The following CPNE4 variants were observed in gnomAD, a reference collection of about 807,000 sequenced individuals.
CPNE4 encodes the protein copine 4.
Under a neutral mutation model 67.9 loss-of-function variants are expected in CPNE4, and 25 were observed. That is an observed-to-expected ratio of 0.37 (90% CI 0.27 to 0.51). The LOEUF (loss-of-function observed/expected upper bound fraction) is 0.51, where lower values mean the gene tolerates loss of function less well. Among genes scored for constraint, CPNE4 ranks in the 20% least tolerant of loss-of-function variants. CPNE4 has a pLI of 0.93. For missense variants in CPNE4, 464 were observed against 690.8 expected (o/e 0.67, Z 3.68); for synonymous variants, 242 against 244.9 (o/e 0.99, Z 0.11).
chr3:131,847,621 T>A (rs1270901240), intron 2 of CPNE4, among the ~76,000 whole-genome samples: 1 of 152,206 alleles, frequency 6.6e-6, no homozygotes, highest in Non-Finnish European at 1.5e-5. Context: ...GATATACCAA[T>A]AAAACGTAAC....
intron 1 of CPNE4, among the ~76,000 whole-genome samples, chr3:131,919,528 C>T (rs1450461262): frequency 2.0e-5 from 3 of 152,112 alleles, no homozygotes; most frequent in Non-Finnish European, 4.4e-5. Flanking sequence ...ACAATGGTTA[C>T]CTTTTGTGAA....
Position 131,978,097 on chromosome 3 carries a change from A to G in CPNE4, c.-2+56470T>C, listed in dbSNP as rs1370427843. Among the ~76,000 whole-genome samples the G allele has an allele frequency of 5.2e-5, 4 of 76,954 alleles. 1 individual carries two copies. Among genetic ancestry groups the G allele is most frequent in the Non-Finnish European group, 8.3e-5 (4 of 48,128 alleles). The allele number at this position is 76,954 out of a possible 152,430, so 50.5% of individuals were successfully genotyped here. ...TATATAAATATATATAAATATATAT[A>G]TAAATATATATAAAATATATATAAA... On this transcript the variant is annotated intron_variant, in intron 1 of 15. Coordinates refer to ENST00000429747, the MANE Select transcript of CPNE4 (RefSeq NM_130808.3).
rs1359714999 is a variant in CPNE4 at position 131,533,677 on chromosome 3, T to C, written c.*1518A>G. On this transcript the variant is annotated 3_prime_UTR_variant, in exon 16 of 16. Coordinates refer to ENST00000429747, the MANE Select transcript of CPNE4 (RefSeq NM_130808.3). ...CCAAAATGTTGTGCATTTGGTGACATGTATTTGCAAGATTAGGATCTATAA... is the reference window on the plus strand; with the variant it reads ...CCAAAATGTTGTGCATTTGGTGACACGTATTTGCAAGATTAGGATCTATAA... 2.0e-5 allele frequency: 3 copies of C among 152,224 alleles called. No homozygotes were observed. The highest frequency in any genetic ancestry group is 6.5e-5 in the Admixed American group (1 of 15,282). 9.4% of individuals were successfully genotyped at this position (152,224 alleles called of 1,614,324 possible).
intron 1 of CPNE4, among the ~76,000 whole-genome samples, chr3:131,974,415 A>C (rs1427833615): frequency 6.6e-6 from 1 of 152,202 alleles, no homozygotes; most frequent in Non-Finnish European, 1.5e-5. Context: ...TAATACATGC[A>C]TGCACATATG....
intron 2 of CPNE4, among the ~76,000 whole-genome samples, chr3:131,856,852 A>AACTT (rs2086465824): frequency 1.3e-5 from 2 of 152,162 alleles, no homozygotes; most frequent in South Asian, 4.1e-4. Flanking sequence ...AAGCACAGAA[A>AACTT]ACTTACCCAA....
intron 1 of CPNE4, among the ~76,000 whole-genome samples, chr3:131,941,858 T>C (rs932054978): frequency 1.3e-5 from 2 of 152,114 alleles, no homozygotes; most frequent in African/African-American, 4.8e-5. Flanking sequence ...AGACTTTAGT[T>C]CTTTTATTAA....
chr3:131,741,174 GT>G (rs1453207388), intron 2 of CPNE4, among the ~76,000 whole-genome samples: 14 of 151,996 alleles, frequency 9.2e-5, no homozygotes, highest in South Asian at 4.1e-4. Context: ...CTGGTTCACT[GT>G]TTGTTTATCC....
intron 2 of CPNE4, among the ~76,000 whole-genome samples, chr3:131,752,100 A>G (rs2082643715): frequency 1.3e-5 from 2 of 152,140 alleles, no homozygotes; most frequent in South Asian, 2.1e-4. Flanking sequence ...GAAAGCCCAC[A>G]TTTACCATGT....
At chr3:131,774,174 G>A (rs1050014243) in intron 2 of CPNE4, among the ~76,000 whole-genome samples, 1 of 152,096 alleles carries the variant, frequency 6.6e-6, no homozygotes, top group Non-Finnish European at 1.5e-5. Flanking sequence ...CATAGAAGCT[G>A]GGGACCTACC....
intron 6 of CPNE4, among the ~76,000 whole-genome samples, chr3:131,677,404 T>C (rs1002022763): frequency 6.6e-6 from 1 of 152,142 alleles, no homozygotes; most frequent in South Asian, 2.1e-4. Flanking sequence ...TGTTGATAGT[T>C]TCTTTTGCTG....
rs537594291 is a variant in CPNE4, at chr3:131,809,941, T to G, written c.181-86316A>C. Among the ~76,000 whole-genome samples the G allele has an allele frequency of 2.0e-5, 3 of 150,690 alleles. No homozygotes were observed. In the South Asian group the frequency reaches 6.3e-4, roughly 32 times the overall value. On this transcript the variant is annotated intron_variant, in intron 2 of 15. Coordinates refer to ENST00000429747, the MANE Select transcript of CPNE4 (RefSeq NM_130808.3). ...CACAAGAAAAAGAATTGAAAAGGAGTCATGGAAAGGAAGAAAAGAGTGGAA... is the reference window on the plus strand; with the variant it reads ...CACAAGAAAAAGAATTGAAAAGGAGGCATGGAAAGGAAGAAAAGAGTGGAA...
intron 1 of CPNE4, among the ~76,000 whole-genome samples, chr3:131,967,373 G>A (rs568229504): frequency 3.9e-4 from 59 of 152,204 alleles, no homozygotes; most frequent in Non-Finnish European, 7.4e-5. Flanking sequence ...TTCTGGCCAG[G>A]GCAATCAGGC....
chr3:131,643,132 T>C (rs113024706), intron 7 of CPNE4, among the ~76,000 whole-genome samples: 22,589 of 152,164 alleles, frequency 0.15, 2,033 homozygotes, highest in African/African-American at 0.25. Flanking sequence ...AGGTGGTCTC[T>C]GACGGAGATG....
At chr3:131,921,699 A>C (rs187141632) in intron 1 of CPNE4, among the ~76,000 whole-genome samples, 22 of 152,320 alleles carry the variant, frequency 1.4e-4, no homozygotes, top group South Asian at 2.1e-4. Flanking sequence ...GTGAGGATTC[A>C]GTGAGCAACA....
chr3:131,788,219 T>G (rs1201688568), intron 2 of CPNE4, among the ~76,000 whole-genome samples: 1 of 151,330 alleles, frequency 6.6e-6, no homozygotes, highest in African/African-American at 2.4e-5. Flanking sequence ...AATTGGAATT[T>G]AAAAAAACAA....
At chr3:131,868,349 T>A (rs1237798575) in intron 2 of CPNE4, among the ~76,000 whole-genome samples, 2 of 152,180 alleles carry the variant, frequency 1.3e-5, no homozygotes, top group African/African-American at 4.8e-5. Context: ...ATATCTTTCC[T>A]CCTTCCTTTT....
intron 2 of CPNE4, among the ~76,000 whole-genome samples, chr3:131,820,663 G>A (rs1366233534): frequency 2.0e-5 from 3 of 152,170 alleles, no homozygotes; most frequent in Admixed American, 6.5e-5. Flanking sequence ...CCATTGTAAT[G>A]CATATCATAA....
intron 1 of CPNE4, among the ~76,000 whole-genome samples, chr3:132,011,525 G>A (rs995625302): frequency 7.2e-5 from 11 of 152,170 alleles, no homozygotes; most frequent in African/African-American, 2.7e-4. Flanking sequence ...GCAAAGAAAT[G>A]AGGAGGCCCT....
At chr3:131,979,969 G>C (rs1386439909) in intron 1 of CPNE4, among the ~76,000 whole-genome samples, 1 of 152,052 alleles carries the variant, frequency 6.6e-6, no homozygotes, top group Non-Finnish European at 1.5e-5. Flanking sequence ...AGTTTTGCTG[G>C]ATACAAAATT....
Sources: allele counts gnomAD v4.1 joint callset (sites outside exome capture counted in the v4.1 genomes callset), GRCh38; gene constraint gnomAD v4.1.1; transcripts MANE v1.5; gene names NCBI Gene and HGNC (gene_info 2026-07-23, HGNC 2026-07-21).